RBM46: variants seen among roughly 807,000 people sequenced by gnomAD.
RBM46 encodes the protein RNA binding motif protein 46, also known as probable RNA-binding protein 46.
A neutral mutation model predicts 43.3 loss-of-function variants in RBM46; 12 were observed. The ratio of observed to expected loss-of-function variants is 0.28; its 90% confidence interval spans 0.18 to 0.45. The LOEUF is 0.45. Ranked by LOEUF, RBM46 falls within the 20% of genes least tolerant of loss-of-function variation. The pLI is 1.00. For synonymous variants in RBM46, 205 were observed against 207.6 expected (o/e 0.99, Z 0.11); for missense variants, 412 against 639.1 (o/e 0.64, Z 3.83).
intron 4 of RBM46, among the ~76,000 whole-genome samples, chr4:154,820,847 G>A (rs1735688244): frequency 6.6e-6 from 1 of 151,858 alleles, no homozygotes; most frequent in South Asian, 2.1e-4. Context: ...TATTCAACAA[G>A]GTACTTCTTG....
intron 4 of RBM46, among the ~76,000 whole-genome samples, chr4:154,826,163 GAAAA>G (rs755904602): frequency 8.2e-5 from 11 of 133,386 alleles, no homozygotes; most frequent in African/African-American, 2.8e-4. Context: ...AAAAAAAAAA[GAAAA>G]AAAAAAAGCA....
intron 1 of RBM46, among the ~76,000 whole-genome samples, chr4:154,786,113 G>A (rs914091527): frequency 7.2e-5 from 11 of 152,128 alleles, no homozygotes; most frequent in Non-Finnish European, 1.0e-4. Flanking sequence ...TTGAGATGGA[G>A]CCTCGTTTTC....
chr4:154,794,723 T>C (rs1481606958), intron 1 of RBM46, among the ~76,000 whole-genome samples: 1 of 152,202 alleles, frequency 6.6e-6, no homozygotes, highest in Non-Finnish European at 1.5e-5. Context: ...GATAGCTGCA[T>C]GGGTAGGCTC....
At chr4:154,796,975 A>G in intron 2 of RBM46, 72 bp downstream of exon 2, 1 of 1,298,864 alleles carries the variant, frequency 7.7e-7, no homozygotes, top group Non-Finnish European at 1.1e-6. Context: ...GTATCCCCAC[A>G]AGTATTCCAA....
chr4:154,786,537 A>G (rs1426209345), intron 1 of RBM46, among the ~76,000 whole-genome samples: 1 of 152,204 alleles, frequency 6.6e-6, no homozygotes, highest in Non-Finnish European at 1.5e-5. Flanking sequence ...GATAATACAG[A>G]CATAAGACTT....
At chr4:154,820,242 T>A in intron 4 of RBM46, 1 of 485,790 alleles carries the variant, frequency 2.1e-6, no homozygotes, top group Non-Finnish European at 3.5e-6. Flanking sequence ...TCTCTAAATT[T>A]GTTTTTTTAT....
intron 4 of RBM46, among the ~76,000 whole-genome samples, chr4:154,817,570 G>T (rs1157318256): frequency 5.9e-5 from 9 of 152,022 alleles, no homozygotes; most frequent in Non-Finnish European, 1.2e-4. Flanking sequence ...GACCTCAGGT[G>T]ATGTGCCCGC....
At chr4:154,801,839 G>A (rs929463330) in intron 4 of RBM46, among the ~76,000 whole-genome samples, 2 of 152,122 alleles carry the variant, frequency 1.3e-5, no homozygotes, top group Admixed American at 6.5e-5. Flanking sequence ...AGTTCCCTAA[G>A]AAAACACCTA....
chr4:154,785,238 C>A (rs1733700542), intron 1 of RBM46, among the ~76,000 whole-genome samples: 1 of 151,628 alleles, frequency 6.6e-6, no homozygotes. Flanking sequence ...GTAAAAGGAG[C>A]CTTTAATGTG....
chr4:154,799,002 C>T lies in RBM46; in HGVS notation c.840C>T (p.Asn280=). 1.2e-6 allele frequency: 2 copies of T among 1,613,936 alleles called. No homozygotes were observed. The highest frequency in any genetic ancestry group is 1.7e-6 in the Non-Finnish European group (2 of 1,179,962). ...ATTATGCTTTTGTTCACTTTTTCAA[C>T]CGAGAAGATGCAGTGGCTGCCATGT... The part of the protein sequence containing the change: ...LRDYAFVHFF[N]REDAVAAMSV... The change falls in exon 4 of 5, where the codon AAC becomes AAT. Residue 280 remains asparagine (N), a synonymous_variant. Coordinates refer to ENST00000281722, the MANE Select transcript of RBM46 (RefSeq NM_144979.5).
At position 154,828,290 on chromosome 4, in the gene RBM46, G is replaced by A. The variant is rs184527033; in HGVS notation, c.*223G>A. ...TATTCAGTGGTTTCTCTTGATAAAGGTACAGCAAACTACTATTCTTTTTAA... is the reference window on the plus strand; with the variant it reads ...TATTCAGTGGTTTCTCTTGATAAAGATACAGCAAACTACTATTCTTTTTAA... On this transcript the variant is annotated 3_prime_UTR_variant, in exon 5 of 5. Coordinates refer to ENST00000281722, the MANE Select transcript of RBM46 (RefSeq NM_144979.5). 3.9e-6 allele frequency: 2 copies of A among 507,862 alleles called. No individual in the cohort carries two copies. Among genetic ancestry groups the A allele is most frequent in the African/African-American group, 1.9e-5 (1 of 51,500 alleles). 31.5% of individuals were successfully genotyped at this position (507,862 alleles called of 1,614,324 possible). A position where few individuals can be genotyped will look rare whatever the true frequency, so the allele number is the denominator to read the frequency against.
chr4:154,804,820 T>TG (rs1734829710), intron 4 of RBM46, among the ~76,000 whole-genome samples: 2 of 151,158 alleles, frequency 1.3e-5, no homozygotes, highest in Non-Finnish European at 2.9e-5. Flanking sequence ...GGTTGTTTTT[T>TG]TTTTTTTTTT....
intron 4 of RBM46, among the ~76,000 whole-genome samples, chr4:154,805,966 A>G (rs1012037082): frequency 1.6e-4 from 24 of 151,950 alleles, no homozygotes; most frequent in African/African-American, 5.8e-4. Flanking sequence ...GTAATTTGCA[A>G]AATTTCTTTT....
rs1189470714 is a variant in RBM46, at chr4:154,781,306, C to G, written c.-142C>G. ...GTGGAGACACGAGGACCAGCGCGAG[C>G]GGTCCCGGTGGGCTACCCTCCCCCT... On this transcript the variant is annotated 5_prime_UTR_variant, in exon 1 of 5. Coordinates refer to ENST00000281722, the MANE Select transcript of RBM46 (RefSeq NM_144979.5). The G allele has an allele frequency of 2.6e-5, 4 of 152,322 alleles. No homozygotes were observed. Among genetic ancestry groups the G allele is most frequent in the East Asian group, 1.9e-4 (1 of 5,164 alleles). 9.4% of individuals were successfully genotyped at this position (152,322 alleles called of 1,614,324 possible). A position where few individuals can be genotyped will look rare whatever the true frequency, so the allele number is the denominator to read the frequency against.
intron 4 of RBM46, among the ~76,000 whole-genome samples, chr4:154,812,338 C>T (rs1429100977): frequency 6.6e-6 from 1 of 152,082 alleles, no homozygotes; most frequent in African/African-American, 2.4e-5. Context: ...GTAATGTTGA[C>T]CTGAGACATC....
At chr4:154,825,657 G>A (rs1489464143) in intron 4 of RBM46, among the ~76,000 whole-genome samples, 2 of 152,100 alleles carry the variant, frequency 1.3e-5, no homozygotes, top group South Asian at 2.1e-4. Context: ...GTATATTTAA[G>A]GGCTTAAGTT....
At position 154,808,903 on chromosome 4, in the gene RBM46, A is replaced by T. The variant is rs1735043342; in HGVS notation, c.1402+9339A>T. On this transcript the variant is annotated intron_variant, in intron 4 of 4. Transcript: ENST00000281722. ...AGTGATTATACCAGAACATTGAAAC[A>T]TTATTTCTTTTCACTTAAGAATTAA... Among the ~76,000 whole-genome samples, 5 of 152,094 alleles carry T rather than the reference A, an allele frequency of 3.3e-5. No homozygotes were observed. In the South Asian group the frequency reaches 1.0e-3, roughly 32 times the overall value.
chr4:154,795,919 A>T (rs2111123566), intron 1 of RBM46, among the ~76,000 whole-genome samples: 1 of 152,216 alleles, frequency 6.6e-6, no homozygotes, highest in Non-Finnish European at 1.5e-5. Flanking sequence ...GCACTTTGGG[A>T]GGCCTAGGTG....
intron 4 of RBM46, chr4:154,827,333 T>C: frequency 1.0e-6 from 1 of 967,166 alleles, no homozygotes; most frequent in Non-Finnish European, 1.2e-6. Context: ...TAATGTTAAA[T>C]CAGTATGTTG....
Sources: allele counts gnomAD v4.1 joint callset (sites outside exome capture counted in the v4.1 genomes callset), GRCh38; gene constraint gnomAD v4.1.1; transcripts MANE v1.5; gene names NCBI Gene and HGNC (gene_info 2026-07-23, HGNC 2026-07-21).